The following DAB1 variants were observed in gnomAD, a reference collection of about 807,000 sequenced individuals.
DAB1 encodes disabled homolog 1.
A neutral mutation model predicts 64.6 loss-of-function variants in DAB1; 15 were observed. That is an observed-to-expected ratio of 0.23 (90% CI 0.16 to 0.36). The LOEUF is 0.36. DAB1 is among the 10% of genes least tolerant of loss of function. DAB1 has a pLI of 1.00. For synonymous variants in DAB1, 235 were observed against 251.9 expected, an observed-to-expected ratio of 0.93 and a Z score of 0.64; for missense variants, 596 against 706.7, an observed-to-expected ratio of 0.84 and a Z score of 1.78.
intron 9 of DAB1, among the ~76,000 whole-genome samples, chr1:57,027,219 A>G (rs2100401703): frequency 6.6e-6 from 1 of 152,264 alleles, no homozygotes; most frequent in East Asian, 1.9e-4. Context: ...GGGGGTGTGG[A>G]GTACTGGTAA....
intron 2 of DAB1, among the ~76,000 whole-genome samples, chr1:57,251,839 G>T (rs978785496): frequency 2.6e-5 from 4 of 152,192 alleles, no homozygotes; most frequent in Non-Finnish European, 5.9e-5. Context: ...CTTTCTATGA[G>T]ATCAGATGAT....
chr1:58,327,108 T>C (rs987878099), intron 4 of DAB1, among the ~76,000 whole-genome samples: 2 of 152,330 alleles, frequency 1.3e-5, no homozygotes, highest in Admixed American at 1.3e-4. Context: ...TTTTCCACAA[T>C]TCCTATGGAT....
chr1:57,850,719 C>T (rs1653485227), intron 1 of DAB1, among the ~76,000 whole-genome samples: 1 of 152,208 alleles, frequency 6.6e-6, no homozygotes, highest in African/African-American at 2.4e-5. Flanking sequence ...CACTCTGACA[C>T]TCAAATGCCT....
chr1:57,448,775 C>T (rs1400742699), intron 7 of DAB1, among the ~76,000 whole-genome samples: 2 of 132,558 alleles, frequency 1.5e-5, no homozygotes, highest in East Asian at 5.8e-4. Context: ...TTCTGACACA[C>T]ACACACACAC....
chr1:58,304,150 T>C (rs546414658), intron 4 of DAB1, among the ~76,000 whole-genome samples: 42 of 152,280 alleles, frequency 2.8e-4, no homozygotes, highest in Admixed American at 8.5e-4. Context: ...TCAGGAATCA[T>C]ATCAAATATT....
intron 6 of DAB1, among the ~76,000 whole-genome samples, chr1:57,816,600 TTTCAAGTG>T (rs1468216518): frequency 6.6e-6 from 1 of 152,220 alleles, no homozygotes; most frequent in African/African-American, 2.4e-5. Context: ...GAACTTTCTA[TTTCAAGTG>T]TTCATCAGCC....
intron 1 of DAB1, among the ~76,000 whole-genome samples, chr1:57,412,850 T>C (rs564670121): frequency 1.0e-3 from 158 of 152,356 alleles, no homozygotes; most frequent in African/African-American, 3.4e-3. Context: ...GATCTCACTA[T>C]GATCATTGAT....
Position 57,753,328 on chromosome 1 carries a change from T to C in DAB1, n.552-103663A>G, listed in dbSNP as rs1278733335. 2.6e-5 allele frequency among the ~76,000 whole-genome samples: 4 copies of C among 152,202 alleles called. No homozygotes were observed. The East Asian group carries it at 7.7e-4, about 29-fold the overall frequency. The stretch of plus-strand genomic sequence containing the variant: ...CGACTTCAGTGGATTTCTCTGGACA[T>C]GCCACTGGACCTAATGAGAACTGTA... On this transcript the variant is annotated intron_variant and non_coding_transcript_variant, in intron 6 of 20. Coordinates refer to the DAB1 transcript ENST00000485760.
intron 5 of DAB1, among the ~76,000 whole-genome samples, chr1:57,994,639 T>C (rs551193290): frequency 6.6e-6 from 1 of 152,258 alleles, no homozygotes; most frequent in East Asian, 1.9e-4. Context: ...CCTACTTATG[T>C]TGGGCATTAT....
At chr1:58,495,109 G>T (rs555620179) in intron 3 of DAB1, among the ~76,000 whole-genome samples, 3 of 152,158 alleles carry the variant, frequency 2.0e-5, no homozygotes, top group Admixed American at 6.5e-5. Context: ...ATGAGTTCAT[G>T]TCCTTTGTAG....
At chr1:58,088,815 T>C (rs1276128087) in intron 5 of DAB1, among the ~76,000 whole-genome samples, 1 of 151,942 alleles carries the variant, frequency 6.6e-6, no homozygotes, top group African/African-American at 2.4e-5. Flanking sequence ...CAGTCAGACA[T>C]CAAGGCTACA....
chr1:57,660,763 G>C (rs1437747469), intron 6 of DAB1, among the ~76,000 whole-genome samples: 1 of 152,192 alleles, frequency 6.6e-6, no homozygotes, highest in Admixed American at 6.5e-5. Context: ...ACAGCAAAGG[G>C]GGAGGATATA....
At position 58,283,226 on chromosome 1, in the gene DAB1, G is replaced by A. The variant is rs1329596882; in HGVS notation, n.309+60126C>T. ...TGTCAGTGCGCATATGGGTAAAAGA[G>A]GCAAGCCAGGAAGCAGAGAGAAGAA... On this transcript the variant is annotated intron_variant and non_coding_transcript_variant, in intron 4 of 20. Coordinates refer to the DAB1 transcript ENST00000485760. Among the ~76,000 whole-genome samples, 3 of 151,708 alleles carry A rather than the reference G, an allele frequency of 2.0e-5. No individual in the cohort carries two copies. In the Admixed American group the frequency reaches 2.0e-4, roughly 10 times the overall value.
intron 7 of DAB1, among the ~76,000 whole-genome samples, chr1:57,477,975 C>T (rs1463605005): frequency 6.6e-6 from 1 of 151,966 alleles, no homozygotes; most frequent in Non-Finnish European, 1.5e-5. Flanking sequence ...CATATGTATA[C>T]ATGTGCCATG....
At chr1:58,387,617 T>C (rs1644443231) in intron 3 of DAB1, among the ~76,000 whole-genome samples, 1 of 152,116 alleles carries the variant, frequency 6.6e-6, no homozygotes, top group Non-Finnish European at 1.5e-5. Flanking sequence ...GAAAAGTCTG[T>C]CTGGACATGG....
chr1:57,012,808 G>T (rs1316099980), intron 12 of DAB1, among the ~76,000 whole-genome samples: 5 of 152,158 alleles, frequency 3.3e-5, no homozygotes, highest in Non-Finnish European at 7.4e-5. Flanking sequence ...GTGGATTTTT[G>T]CTTACTAAAG....
chr1:58,334,643 TATC>T (rs1279239327), intron 4 of DAB1, among the ~76,000 whole-genome samples: 5 of 148,080 alleles, frequency 3.4e-5, no homozygotes, highest in Non-Finnish European at 7.4e-5. Flanking sequence ...TATCATATCA[TATC>T]ATATCATATT....
chr1:58,162,355 CT>C (rs983483352), intron 4 of DAB1, among the ~76,000 whole-genome samples: 5 of 152,048 alleles, frequency 3.3e-5, no homozygotes, highest in African/African-American at 1.2e-4. Context: ...TTTCTCTATT[CT>C]TTTTTTCCTT....
At chr1:57,296,130 G>C (rs900375351) in intron 1 of DAB1, among the ~76,000 whole-genome samples, 6 of 152,056 alleles carry the variant, frequency 3.9e-5, no homozygotes, top group African/African-American at 1.4e-4. Context: ...CTATAGAATG[G>C]AGCAAAGGAG....
Sources: allele counts gnomAD v4.1 joint callset (sites outside exome capture counted in the v4.1 genomes callset), GRCh38; gene constraint gnomAD v4.1.1; transcripts MANE v1.5; gene names NCBI Gene and HGNC (gene_info 2026-07-23, HGNC 2026-07-21).